The following NSD2 variants were observed in gnomAD, a reference collection of about 807,000 sequenced individuals.
NSD2 encodes the protein nuclear receptor binding SET domain protein 2, also known as histone-lysine N-methyltransferase NSD2.
A neutral mutation model predicts 139.0 loss-of-function variants in NSD2; 12 were observed. That is an observed-to-expected ratio of 0.09 (90% CI 0.06 to 0.14). The LOEUF (loss-of-function observed/expected upper bound fraction) is 0.14. NSD2 is among the 10% of genes least tolerant of loss of function. NSD2 has a pLI of 1.00. For synonymous variants in NSD2, 669 were observed against 648.7 expected (o/e 1.03, Z -0.48); for missense variants, 1,155 against 1,745.0 (o/e 0.66, Z 6.02).
Position 1,976,400 on chromosome 4 carries a change from A to G in NSD2, c.3622-75A>G, listed in dbSNP as rs935141492. 3 of 1,500,892 alleles carry G rather than the reference A, an allele frequency of 2.0e-6. No individual in the cohort carries two copies. In the African/African-American group the frequency reaches 4.1e-5, roughly 21 times the overall value. 93.0% of individuals were successfully genotyped at this position (1,500,892 alleles called of 1,614,324 possible). ...GAGATCTCTGAAGTTCCTGGAGTGT[A>G]GCTCGCTCTTCTGCCCTATTTGCTT... On this transcript the variant is annotated intron_variant, in intron 20 of 21. Transcript: ENST00000508803. The surrounding 1 kb of genome is among the most constrained non-coding windows in gnomAD (Gnocchi z 5.3).
rs571012494 is a variant in NSD2, at chr4:1,969,090, G to A, written c.3373-5773G>A. On this transcript the variant is annotated intron_variant, in intron 18 of 21. Transcript: ENST00000508803. ...AGGGGGTGCAGAGACACGGGAGTGC[G>A]GCCTGGCAGGCAGAGCCAGCACCTG... Among the ~76,000 whole-genome samples, 475 of 152,350 alleles carry A rather than the reference G, an allele frequency of 3.1e-3. 1 individual carries two copies. Among genetic ancestry groups the A allele is most frequent in the African/African-American group, 0.011 (458 of 41,586 alleles).
chr4:1,937,451 C>T (rs189772399), intron 7 of NSD2, among the ~76,000 whole-genome samples: 29 of 152,268 alleles, frequency 1.9e-4, no homozygotes, highest in African/African-American at 6.7e-4. Flanking sequence ...AAATACATGA[C>T]CCTAGACACT....
Position 1,976,510 on chromosome 4 carries a change from A to G in NSD2, c.3657A>G (p.Lys1219=), listed in dbSNP as rs779726491. 2.8e-5 allele frequency: 45 copies of G among 1,613,832 alleles called. No individual in the cohort carries two copies. Among genetic ancestry groups the G allele is most frequent in the Non-Finnish European group, 8.5e-7 (1 of 1,179,976 alleles). ...STTLSSEEKG[K]KTKKKTRRRR... The stretch of plus-strand genomic sequence containing the variant: ...CCCTTTCATCAGAGGAAAAGGGCAA[A>G]AAGACCAAGAAGAAAACGAGGCGGC... The change falls in exon 21 of 22, where the codon AAA becomes AAG. Residue 1219 remains lysine, a synonymous_variant. Coordinates refer to ENST00000508803, the MANE Select transcript of NSD2 (RefSeq NM_001042424.3). This position sits in a 1 kb window ranked among gnomAD's most constrained non-coding sequence, Gnocchi z 5.3.
intron 5 of NSD2, among the ~76,000 whole-genome samples, chr4:1,926,262 C>T (rs780891176): frequency 6.0e-5 from 9 of 150,186 alleles, no homozygotes; most frequent in African/African-American, 2.2e-4. Context: ...TCAAACGATT[C>T]TCCTGACTCA....
intron 9 of NSD2, chr4:1,947,510 GA>G: frequency 9.5e-7 from 1 of 1,056,852 alleles, no homozygotes; most frequent in South Asian, 4.6e-5. Context: ...GTGTAACCTA[GA>G]AGGGTCACTT....
intron 1 of NSD2, among the ~76,000 whole-genome samples, chr4:1,883,307 C>T (rs1164280888): frequency 1.3e-5 from 2 of 152,042 alleles, no homozygotes; most frequent in Admixed American, 6.6e-5. Flanking sequence ...TGAACCCCAC[C>T]TTGATACCCC....
chr4:1,943,677 G>A, intron 9 of NSD2: 2 of 1,048,486 alleles, frequency 1.9e-6, no homozygotes, highest in Non-Finnish European at 2.3e-6. Context: ...AATCTAAGCT[G>A]TGTTACTCCA....
chr4:1,894,299 A>G (rs1351294077), intron 1 of NSD2, among the ~76,000 whole-genome samples: 1 of 152,182 alleles, frequency 6.6e-6, no homozygotes, highest in Admixed American at 6.5e-5. Flanking sequence ...TTTCAATACA[A>G]TGTATCTAGA....
chr4:1,901,374 A>G, intron 2 of NSD2, 123 bp downstream of exon 2: 2 of 871,626 alleles, frequency 2.3e-6, no homozygotes, highest in Non-Finnish European at 3.5e-6. Flanking sequence ...TGGTACTTCC[A>G]GCCACTTGCC....
At chr4:1,915,467 CTG>C (rs976604127) in intron 3 of NSD2, among the ~76,000 whole-genome samples, 1 of 152,148 alleles carries the variant, frequency 6.6e-6, no homozygotes, top group Non-Finnish European at 1.5e-5. Flanking sequence ...CTTTGTTTTT[CTG>C]TGTTCTCTTT....
intron 7 of NSD2, among the ~76,000 whole-genome samples, chr4:1,935,918 T>C (rs991138905): frequency 6.6e-6 from 1 of 152,170 alleles, no homozygotes; most frequent in Admixed American, 6.5e-5. Flanking sequence ...GGGCTTATTA[T>C]TCAGGATGTA....
intron 4 of NSD2, 76 bp from the exon 5 acceptor site, chr4:1,918,065 A>G: frequency 1.3e-6 from 2 of 1,514,870 alleles, no homozygotes; most frequent in Non-Finnish European, 1.8e-6. Context: ...ATAGGCATGA[A>G]TCATGTGCCT....
chr4:1,966,963 G>A (rs1176198803), intron 18 of NSD2, among the ~76,000 whole-genome samples: 2 of 152,068 alleles, frequency 1.3e-5, no homozygotes, highest in Non-Finnish European at 2.9e-5. Context: ...TGGAAAACTG[G>A]AGAAAATCAA....
chr4:1,940,583 TG>T (rs1722985734), intron 9 of NSD2: 1 of 1,063,952 alleles, frequency 9.4e-7, no homozygotes, highest in Non-Finnish European at 1.1e-6. Flanking sequence ...TTTAATTTCT[TG>T]TTATTTGGTT....
At chr4:1,882,199 A>C (rs1000767394) in intron 1 of NSD2, among the ~76,000 whole-genome samples, 6 of 152,014 alleles carry the variant, frequency 3.9e-5, no homozygotes, top group Non-Finnish European at 8.8e-5. Context: ...TGGGTCCCTG[A>C]TTGGATTGGA....
chr4:1,935,115 T>C (rs2108876731), intron 6 of NSD2, 29 bp from the exon 7 acceptor site: 1 of 1,582,392 alleles, frequency 6.3e-7, no homozygotes. Context: ...GTGGTTTTCA[T>C]GTACATTTTC....
At chr4:1,913,319 C>T (rs1005904877) in intron 3 of NSD2, among the ~76,000 whole-genome samples, 1 of 152,234 alleles carries the variant, frequency 6.6e-6, no homozygotes, top group Admixed American at 6.5e-5. Context: ...ACTTTGCAAA[C>T]CAGGAAAGGG....
intron 1 of NSD2, among the ~76,000 whole-genome samples, chr4:1,876,754 C>T (rs1159541655): frequency 6.6e-6 from 1 of 151,116 alleles, no homozygotes; most frequent in Non-Finnish European, 1.5e-5. Flanking sequence ...AGAAAAAATG[C>T]TTTTTTTTTC....
At chr4:1,962,407 G>C (rs1296421432) in intron 18 of NSD2, among the ~76,000 whole-genome samples, 1 of 152,220 alleles carries the variant, frequency 6.6e-6, no homozygotes, top group Non-Finnish European at 1.5e-5. Flanking sequence ...ACAGGAGGCT[G>C]TTCTTCATGC....
Sources: gnomAD v4.1 joint callset for allele counts (sites outside exome capture counted in the v4.1 genomes callset) on GRCh38, gnomAD v4.1.1 for gene constraint, Gnocchi (gnomAD v3.1) non-coding constraint, MANE v1.5 for transcripts, NCBI Gene and HGNC (gene_info 2026-07-23, HGNC 2026-07-21) for gene names.